The following MAML2 variants were observed in gnomAD, a reference collection of about 807,000 sequenced individuals.
MAML2 encodes the protein mastermind-like protein 2.
In MAML2, 22 loss-of-function variants were observed where a neutral mutation model predicts 96.1. The ratio of observed to expected loss-of-function variants is 0.23; its 90% CI spans 0.16 to 0.33. MAML2 has a LOEUF of 0.33. Ranked by LOEUF, MAML2 falls within the 10% of genes least tolerant of loss-of-function variation. The probability of loss-of-function intolerance (pLI) is 1.00; values close to 1 mark genes in which losing one functional copy is unlikely to be tolerated. For missense variants in MAML2, 1,367 were observed against 1,392.4 expected (o/e 0.98, Z 0.29); for synonymous variants, 561 against 521.3 (o/e 1.08, Z -1.04).
Position 96,004,084 on chromosome 11 carries a change from A to G in MAML2, c.2140-12361T>C, listed in dbSNP as rs116689732. Among the ~76,000 whole-genome samples, 241 of 152,316 alleles carry G rather than the reference A, an allele frequency of 1.6e-3. 2 individuals carry two copies. The highest frequency in any genetic ancestry group is 5.6e-3 in the African/African-American group (233 of 41,578). On this transcript the variant is annotated intron_variant, in intron 2 of 4. Transcript: ENST00000524717. Reference sequence around the variant, plus strand: ...TTTTCTTTTCTCTTTGGTAGGCTGTATATCAAGCCTATACTTTCTCTTCAC... The same window carrying G: ...TTTTCTTTTCTCTTTGGTAGGCTGTGTATCAAGCCTATACTTTCTCTTCAC...
chr11:96,068,829 CAAAAA>C (rs538393436), intron 2 of MAML2, among the ~76,000 whole-genome samples: 1 of 76,664 alleles, frequency 1.3e-5, no homozygotes. Flanking sequence ...GACTCCTTCT[CAAAAA>C]AAAAAAAAAA....
At chr11:96,084,623 T>C (rs1859579073) in intron 2 of MAML2, among the ~76,000 whole-genome samples, 1 of 152,046 alleles carries the variant, frequency 6.6e-6, no homozygotes, top group South Asian at 2.1e-4. Context: ...CAGTCTTAAG[T>C]CAGTCAGGGC....
At chr11:96,106,824 C>G (rs1007516567) in intron 1 of MAML2, among the ~76,000 whole-genome samples, 1 of 152,098 alleles carries the variant, frequency 6.6e-6, no homozygotes, top group Non-Finnish European at 1.5e-5. Context: ...CCCCCCTACC[C>G]AAAACATACA....
intron 1 of MAML2, among the ~76,000 whole-genome samples, chr11:96,271,719 A>G (rs897442035): frequency 2.8e-5 from 4 of 143,928 alleles, no homozygotes; most frequent in Non-Finnish European, 6.0e-5. Context: ...TGTGAGTCAA[A>G]TAAACCTCTT....
intron 4 of MAML2, among the ~76,000 whole-genome samples, chr11:95,980,402 G>A (rs1857719468): frequency 6.6e-6 from 1 of 151,992 alleles, no homozygotes; most frequent in Non-Finnish European, 1.5e-5. Flanking sequence ...ACGGCTCCTA[G>A]ATTAATATTC....
chr11:96,154,105 AAGG>A (rs1860972283), intron 1 of MAML2, among the ~76,000 whole-genome samples: 1 of 152,128 alleles, frequency 6.6e-6, no homozygotes, highest in African/African-American at 2.4e-5. Context: ...TACATTAGAG[AAGG>A]AGGACTACTT....
At chr11:96,143,817 T>C (rs1165039371) in intron 1 of MAML2, among the ~76,000 whole-genome samples, 2 of 152,220 alleles carry the variant, frequency 1.3e-5, no homozygotes, top group African/African-American at 4.8e-5. Context: ...GAAGCCTTAC[T>C]TGAACTGGAT....
intron 1 of MAML2, among the ~76,000 whole-genome samples, chr11:96,191,472 T>C (rs1288684289): frequency 2.8e-5 from 2 of 71,128 alleles, no homozygotes; most frequent in African/African-American, 5.8e-5. Context: ...CTCAAAAAAA[T>C]AACAATAATA....
chr11:96,227,158 A>C (rs1227253385), intron 1 of MAML2, among the ~76,000 whole-genome samples: 1 of 152,220 alleles, frequency 6.6e-6, no homozygotes. Flanking sequence ...CAGATCTGAA[A>C]GCATGTGCCC....
intron 1 of MAML2, among the ~76,000 whole-genome samples, chr11:96,330,780 G>A (rs1418615516): frequency 1.3e-5 from 2 of 152,182 alleles, no homozygotes; most frequent in Non-Finnish European, 2.9e-5. Flanking sequence ...GTATCAGGTC[G>A]GTGTTCCAAG....
chr11:96,046,876 A>C (rs1005536328), intron 2 of MAML2, among the ~76,000 whole-genome samples: 8 of 152,210 alleles, frequency 5.3e-5, no homozygotes, highest in Non-Finnish European at 1.0e-4. Flanking sequence ...TTTCCTTCAG[A>C]GGCCTACACT....
intron 1 of MAML2, among the ~76,000 whole-genome samples, chr11:96,140,538 T>G (rs560188608): frequency 4.6e-5 from 7 of 152,300 alleles, no homozygotes; most frequent in African/African-American, 1.4e-4. Context: ...CATAAGAAGC[T>G]ACTCTCTAAA....
rs536340653 is a variant in MAML2 at position 96,125,619 on chromosome 11, C to G, written c.514-32102G>C. Among the ~76,000 whole-genome samples the G allele has an allele frequency of 2.0e-5, 3 of 152,172 alleles. No homozygotes were observed. In the South Asian group the frequency reaches 6.2e-4, roughly 31 times the overall value. Reference sequence around the variant, plus strand: ...TGTGTCAGTACTATCTGCCTGTTCTCTGCTCTCCGTGCCATGAACGGTTCG... The same window carrying G: ...TGTGTCAGTACTATCTGCCTGTTCTGTGCTCTCCGTGCCATGAACGGTTCG... On this transcript the variant is annotated intron_variant, in intron 1 of 4. Transcript: ENST00000524717.
chr11:96,188,643 T>C (rs1022707478), intron 1 of MAML2, among the ~76,000 whole-genome samples: 73 of 102,330 alleles, frequency 7.1e-4, no homozygotes, highest in Non-Finnish European at 9.5e-4. Context: ...AGGAAGTCAG[T>C]TTTTTTTTTT....
intron 1 of MAML2, among the ~76,000 whole-genome samples, chr11:96,294,186 A>T (rs1863254400): frequency 6.6e-6 from 1 of 152,220 alleles, no homozygotes; most frequent in African/African-American, 2.4e-5. Context: ...GGAAACTTAG[A>T]CAAATGCCAA....
At chr11:96,166,217 C>A (rs1041066480) in intron 1 of MAML2, among the ~76,000 whole-genome samples, 8 of 120,748 alleles carry the variant, frequency 6.6e-5, no homozygotes, top group African/African-American at 1.7e-4. Context: ...ACACACACAC[C>A]CCACATTATG....
chr11:96,310,733 C>T (rs568656198), intron 1 of MAML2, among the ~76,000 whole-genome samples: 5 of 152,244 alleles, frequency 3.3e-5, no homozygotes, highest in African/African-American at 1.2e-4. Flanking sequence ...GTCACTGTGC[C>T]TCTCTGAGCC....
chr11:96,099,802 C>T (rs1859894231), intron 1 of MAML2, among the ~76,000 whole-genome samples: 1 of 151,712 alleles, frequency 6.6e-6, no homozygotes, highest in Admixed American at 6.6e-5. Flanking sequence ...TTTTTAAAGA[C>T]ATTTTTATAC....
chr11:96,013,484 G>T (rs1282244071), intron 2 of MAML2, among the ~76,000 whole-genome samples: 2 of 152,138 alleles, frequency 1.3e-5, no homozygotes, highest in Non-Finnish European at 2.9e-5. Flanking sequence ...GTAGAGAAAG[G>T]CAGGTCCCTG....
Sources: allele counts gnomAD v4.1 joint callset (sites outside exome capture counted in the v4.1 genomes callset), GRCh38; gene constraint gnomAD v4.1.1; transcripts MANE v1.5; gene names NCBI Gene and HGNC (gene_info 2026-07-23, HGNC 2026-07-21).